Variants in SNCAIP observed in about 807,000 individuals in gnomAD.
SNCAIP encodes the protein synphilin-1.
SNCAIP carries 43 observed loss-of-function variants against 86.7 expected under a neutral mutation model. The observed-to-expected ratio is 0.50, with a 90% CI of 0.39 to 0.64. The LOEUF is 0.64. Ranked by LOEUF, SNCAIP falls within the 30% of genes least tolerant of loss-of-function variation. SNCAIP has a pLI of 0.00. For synonymous variants in SNCAIP, 417 were observed against 427.2 expected, an observed-to-expected ratio of 0.98 and a Z score of 0.29; for missense variants, 981 against 1,103.1, an observed-to-expected ratio of 0.89 and a Z score of 1.57.
intron 1 of SNCAIP, among the ~76,000 whole-genome samples, chr5:122,358,159 TTGTGTGTGTGTGTGTGTGTGTGTG>T (rs36222259): frequency 1.4e-5 from 2 of 138,016 alleles, no homozygotes; most frequent in Non-Finnish European, 1.5e-5. Context: ...ATTTGTTTCT[TTGTGTGTGTGTGTGTGTGTGTGTG>T]TGTGTGTGTG....
upstream of SNCAIP, chr5:122,311,687 G>T: frequency 6.5e-6 from 1 of 152,694 alleles, no homozygotes; most frequent in Non-Finnish European, 1.5e-5. Context: ...GGGGCAGGAG[G>T]AGAAAAGTGG....
chr5:122,439,207 G>C (rs1179528131), intron 6 of SNCAIP, among the ~76,000 whole-genome samples: 2 of 152,204 alleles, frequency 1.3e-5, no homozygotes, highest in Non-Finnish European at 2.9e-5. Context: ...TTGAAGAAGA[G>C]GACTAAGCAT....
At chr5:122,385,873 A>T (rs961483973) in intron 1 of SNCAIP, among the ~76,000 whole-genome samples, 1 of 152,218 alleles carries the variant, frequency 6.6e-6, no homozygotes, top group African/African-American at 2.4e-5. Flanking sequence ...GCCTCATAGT[A>T]TACTGGTAAA....
At chr5:122,407,866 A>G (rs1773329718) in intron 3 of SNCAIP, among the ~76,000 whole-genome samples, 2 of 152,194 alleles carry the variant, frequency 1.3e-5, no homozygotes, top group South Asian at 2.1e-4. Flanking sequence ...TACTTCATCA[A>G]TTTAGCAACA....
intron 9 of SNCAIP, 143 bp downstream of exon 9, chr5:122,450,080 A>T: frequency 1.5e-6 from 1 of 671,100 alleles, no homozygotes; most frequent in East Asian, 2.7e-5. Context: ...GAGAAATCAC[A>T]GTGAAAAAGG....
At chr5:122,318,504 A>C (rs77300469) in intron 1 of SNCAIP, among the ~76,000 whole-genome samples, 24,368 of 152,154 alleles carry the variant, frequency 0.16, 2,130 homozygotes, top group South Asian at 0.3. Context: ...CCCACCATGT[A>C]TCTCAAAAAT....
At chr5:122,354,875 C>A (rs1305629464) in intron 1 of SNCAIP, among the ~76,000 whole-genome samples, 1 of 152,102 alleles carries the variant, frequency 6.6e-6, no homozygotes, top group African/African-American at 2.4e-5. Flanking sequence ...TCAAAACCAA[C>A]AATATTAATT....
chr5:122,357,389 C>A (rs1446650503), intron 1 of SNCAIP, among the ~76,000 whole-genome samples: 3 of 152,014 alleles, frequency 2.0e-5, no homozygotes, highest in East Asian at 3.9e-4. Context: ...GCACACACCA[C>A]CATGCCCAGC....
Position 122,378,039 on chromosome 5 carries a change from C to A in SNCAIP, c.-46-13050C>A, listed in dbSNP as rs368976635. Among the ~76,000 whole-genome samples, 64 of 148,770 alleles carry A rather than the reference C, an allele frequency of 4.3e-4. No homozygotes were observed. In the South Asian group the frequency reaches 0.013, roughly 31 times the overall value. On this transcript the variant is annotated intron_variant, in intron 1 of 10. Coordinates refer to ENST00000261368, the MANE Select transcript of SNCAIP (RefSeq NM_005460.4). ...CTTTATAGCAGCATGATTTATAGTC[C>A]TTTGGGTATATACCCAGTAATGGGA...
intron 1 of SNCAIP, among the ~76,000 whole-genome samples, chr5:122,335,565 C>T (rs2152707077): frequency 6.6e-6 from 1 of 152,262 alleles, no homozygotes; most frequent in South Asian, 2.1e-4. Context: ...TGTTGTACAT[C>T]AGGTTCTCCA....
intron 1 of SNCAIP, among the ~76,000 whole-genome samples, chr5:122,362,776 C>G (rs1182570532): frequency 6.6e-6 from 1 of 152,090 alleles, no homozygotes; most frequent in African/African-American, 2.4e-5. Flanking sequence ...ATTCAGCGGC[C>G]TAGGCAGTGC....
chr5:122,330,244 C>T (rs1408181820), intron 1 of SNCAIP, among the ~76,000 whole-genome samples: 1 of 150,402 alleles, frequency 6.6e-6, no homozygotes, highest in Admixed American at 6.6e-5. Context: ...GCCTCAGCCT[C>T]CCAAGTAGCT....
chr5:122,440,958 A>G (rs940148763), intron 7 of SNCAIP: 4 of 578,866 alleles, frequency 6.9e-6, no homozygotes, highest in African/African-American at 1.9e-5. Context: ...TTTCTCTTTC[A>G]GTGTCCCAGG....
intron 1 of SNCAIP, among the ~76,000 whole-genome samples, chr5:122,317,516 A>G (rs4895352): frequency 0.17 from 25,897 of 151,980 alleles, 2,312 homozygotes; most frequent in South Asian, 0.3. Context: ...ATGCCACTTG[A>G]CTCAGCTTTG....
At chr5:122,363,256 A>G (rs946416653) in intron 1 of SNCAIP, among the ~76,000 whole-genome samples, 1 of 152,184 alleles carries the variant, frequency 6.6e-6, no homozygotes, top group Non-Finnish European at 1.5e-5. Context: ...TCGGTCTCCC[A>G]AAGTGCTGAG....
intron 1 of SNCAIP, among the ~76,000 whole-genome samples, chr5:122,335,126 A>C (rs942315976): frequency 1.3e-5 from 2 of 152,224 alleles, no homozygotes; most frequent in South Asian, 4.1e-4. Flanking sequence ...TTGATGACTA[A>C]AATATCTTAT....
At chr5:122,412,339 C>T (rs1167279858) in intron 3 of SNCAIP, among the ~76,000 whole-genome samples, 2 of 152,120 alleles carry the variant, frequency 1.3e-5, no homozygotes, top group Non-Finnish European at 2.9e-5. Flanking sequence ...GTATGATTTC[C>T]ATCTCTCTAG....
At chr5:122,347,084 A>T (rs1363255765) in intron 1 of SNCAIP, among the ~76,000 whole-genome samples, 1 of 152,090 alleles carries the variant, frequency 6.6e-6, no homozygotes, top group African/African-American at 2.4e-5. Context: ...GCTAATCTTT[A>T]TCATTAGATT....
intron 1 of SNCAIP, among the ~76,000 whole-genome samples, chr5:122,334,181 C>T (rs1755948757): frequency 6.6e-6 from 1 of 151,880 alleles, no homozygotes; most frequent in Non-Finnish European, 1.5e-5. Context: ...ATACCAGGTG[C>T]GGGCACTGTT....
Sources: gnomAD v4.1 joint callset for allele counts (sites outside exome capture counted in the v4.1 genomes callset) on GRCh38, gnomAD v4.1.1 for gene constraint, MANE v1.5 for transcripts, NCBI Gene and HGNC (gene_info 2026-07-23, HGNC 2026-07-21) for gene names.